The following SHPK variants were observed in gnomAD, a reference collection of about 807,000 sequenced individuals.
SHPK encodes carbohydrate kinase-like protein.
Under a neutral mutation model 46.3 loss-of-function variants are expected in SHPK, and 51 were observed. That is an observed-to-expected ratio of 1.10 (90% CI 0.88 to 1.39). SHPK has a LOEUF of 1.39. Ranked by LOEUF, SHPK falls within the 40% of genes most tolerant of loss-of-function variation. The probability of loss-of-function intolerance (pLI) is 0.00; values close to 1 mark genes in which losing one functional copy is unlikely to be tolerated. For synonymous variants in SHPK, 290 were observed against 273.9 expected, an observed-to-expected ratio of 1.06 and a Z score of -0.58; for missense variants, 668 against 641.3, an observed-to-expected ratio of 1.04 and a Z score of -0.45.
At chr17:3,630,393 G>A (rs369486864) in intron 1 of SHPK, 47 bp from the exon 2 acceptor site, 2 of 1,557,570 alleles carry the variant, frequency 1.3e-6, no homozygotes, top group Non-Finnish European at 8.7e-7. Context: ...ACACAGGCAG[G>A]GGGAGGGGCG....
At chr17:3,635,958 C>T (rs2075520914) in intron 1 of SHPK, 94 bp downstream of exon 1, 6 of 1,252,106 alleles carry the variant, frequency 4.8e-6, no homozygotes, top group Non-Finnish European at 6.4e-6. Flanking sequence ...ATAGAGACTT[C>T]ATTGCGGGAA....
At chr17:3,635,202 G>GAAGAAAGGAAGGAAGGAAGGAAGA (rs879382597) in intron 1 of SHPK, among the ~76,000 whole-genome samples, 1 of 121,390 alleles carries the variant, frequency 8.2e-6, no homozygotes, top group Admixed American at 8.8e-5. Flanking sequence ...ATGAAGGAAG[G>GAAGAAAGGAAGGAAGGAAGGAAGA]AAGGAAGGAA....
chr17:3,619,373 C>T lies in SHPK; in HGVS notation c.823+1864G>A, dbSNP rs145183464. The T allele has an allele frequency of 7.0e-5, 107 of 1,523,230 alleles. No homozygotes were observed. The East Asian group carries it at 1.7e-3, about 24-fold the overall frequency. 94.4% of individuals were successfully genotyped at this position (1,523,230 alleles called of 1,614,324 possible). Reference sequence around the variant, plus strand: ...CCTTGTTTTATACATTGAACCATTCCGGGTGATGATTCATCTTCTCTGCTT... The same window carrying T: ...CCTTGTTTTATACATTGAACCATTCTGGGTGATGATTCATCTTCTCTGCTT... On this transcript the variant is annotated intron_variant, in intron 5 of 6. Transcript: ENST00000225519.
At chr17:3,625,991 T>C (rs1287235881) in intron 2 of SHPK, among the ~76,000 whole-genome samples, 3 of 152,118 alleles carry the variant, frequency 2.0e-5, no homozygotes, top group African/African-American at 4.8e-5. Context: ...AGGCGGAGGT[T>C]GCAGTGAGCT....
At chr17:3,625,860 CT>C (rs755202337) in intron 2 of SHPK, among the ~76,000 whole-genome samples, 16 of 152,286 alleles carry the variant, frequency 1.1e-4, no homozygotes, top group South Asian at 4.1e-4. Context: ...CGAGACCAGC[CT>C]GGACAACATG....
At chr17:3,615,831 A>C (rs1370051889) in intron 5 of SHPK, among the ~76,000 whole-genome samples, 1 of 149,722 alleles carries the variant, frequency 6.7e-6, no homozygotes, top group African/African-American at 2.4e-5. Context: ...AAGGTGTTGA[A>C]GAGATGTTGA....
intron 4 of SHPK, 97 bp downstream of exon 4, chr17:3,623,242 C>T: frequency 2.2e-6 from 3 of 1,395,276 alleles, no homozygotes; most frequent in Non-Finnish European, 3.0e-6. Flanking sequence ...GAACCCTCCA[C>T]CACTCCCAGA....
Position 3,615,481 on chromosome 17 carries a change from G to T in SHPK, c.880C>A (p.Pro294Thr). 6.2e-7 allele frequency: 1 copy of T among 1,614,182 alleles called. No individual in the cohort carries two copies. Among genetic ancestry groups the T allele is most frequent in the Non-Finnish European group, 8.5e-7 (1 of 1,180,026 alleles). Residue 294 changes from proline (P) to threonine (T), a missense_variant, in exon 6 of 7, where the codon CCT becomes ACT. Coordinates refer to ENST00000225519, the MANE Select transcript of SHPK (RefSeq NM_013276.4). ...GCCGTAGGGTCTGGAGTCTGTGCAG[G>T]CTGGAATCCTGAAGGCATGGAGGCT... is the stretch of plus-strand genomic sequence containing the variant. ...LAASMPSGFQPAQTPDPTAPV... is the reference protein window; with the variant it reads ...LAASMPSGFQTAQTPDPTAPV...
At chr17:3,623,274 A>G (rs2075413293) in intron 4 of SHPK, 65 bp downstream of exon 4, 1 of 1,575,346 alleles carries the variant, frequency 6.3e-7, no homozygotes, top group Admixed American at 1.7e-5. Flanking sequence ...CCACTGAAGC[A>G]CTGGCTCCGG....
intron 5 of SHPK, chr17:3,619,962 T>A: frequency 5.2e-6 from 1 of 191,520 alleles, no homozygotes; most frequent in Non-Finnish European, 1.1e-5. Context: ...TGAAAAAAAA[T>A]TAAAAGAAGA....
chr17:3,623,897 C>A (rs553403229), intron 3 of SHPK, 151 bp downstream of exon 3: 52 of 737,304 alleles, frequency 7.1e-5, no homozygotes, highest in East Asian at 4.9e-4. Flanking sequence ...GGTTCTGGAC[C>A]CAATCGAGGT....
chr17:3,617,018 C>CACACA (rs2075374648), intron 5 of SHPK, among the ~76,000 whole-genome samples: 1 of 150,868 alleles, frequency 6.6e-6, no homozygotes, highest in African/African-American at 2.4e-5. Context: ...ATTACAGGTG[C>CACACA]CCGCCACTGT....
intron 1 of SHPK, among the ~76,000 whole-genome samples, chr17:3,634,640 C>T (rs922377396): frequency 5.9e-5 from 9 of 151,788 alleles, no homozygotes; most frequent in Non-Finnish European, 1.0e-4. Flanking sequence ...AGCCTACTCT[C>T]CCCTAATGCC....
At chr17:3,633,929 A>C (rs991051483) in intron 1 of SHPK, among the ~76,000 whole-genome samples, 2 of 151,038 alleles carry the variant, frequency 1.3e-5, no homozygotes, top group African/African-American at 2.4e-5. Flanking sequence ...ACTAAGAAAA[A>C]TTCTTCTGCC....
At chr17:3,623,228 C>A in intron 4 of SHPK, 111 bp downstream of exon 4, 1 of 1,271,684 alleles carries the variant, frequency 7.9e-7, no homozygotes, top group Non-Finnish European at 1.1e-6. Flanking sequence ...ATCCTGGCCT[C>A]TGGGAACCCT....
chr17:3,614,802 C>T (rs113006549), intron 6 of SHPK, among the ~76,000 whole-genome samples: 20,866 of 150,072 alleles, frequency 0.14, 4,850 homozygotes, highest in African/African-American at 0.49. Flanking sequence ...GAGCCGAGAT[C>T]GCGCCACTGC....
intron 2 of SHPK, among the ~76,000 whole-genome samples, chr17:3,629,119 A>G (rs1190571692): frequency 6.6e-6 from 1 of 152,156 alleles, no homozygotes; most frequent in African/African-American, 2.4e-5. Context: ...AGCTCCTCGG[A>G]CAGACTTGGA....
chr17:3,625,103 G>C (rs1033092708), intron 2 of SHPK, among the ~76,000 whole-genome samples: 2 of 152,094 alleles, frequency 1.3e-5, no homozygotes, highest in African/African-American at 4.8e-5. Flanking sequence ...GTCTTTCCAG[G>C]CAGTGTCTGA....
At chr17:3,611,793 T>A (rs995874607) in intron 6 of SHPK, among the ~76,000 whole-genome samples, 3 of 140,672 alleles carry the variant, frequency 2.1e-5, no homozygotes, top group African/African-American at 7.9e-5. Context: ...ACGTTAGCTC[T>A]GCGGGTTTTT....
Sources: gnomAD v4.1 joint callset for allele counts (sites outside exome capture counted in the v4.1 genomes callset) on GRCh38, gnomAD v4.1.1 for gene constraint, MANE v1.5 for transcripts, NCBI Gene and HGNC (gene_info 2026-07-23, HGNC 2026-07-21) for gene names.